Variants in SEC22C observed in about 807,000 individuals in gnomAD.
The protein encoded by SEC22C is SEC22 homolog C, vesicle trafficking protein.
SEC22C carries 29 observed loss-of-function variants against 34.7 expected under a neutral mutation model. That is an observed-to-expected ratio of 0.84 (90% CI 0.62 to 1.14). The LOEUF is 1.14. SEC22C is among the 50% of genes most tolerant of loss of function. SEC22C has a pLI of 0.00. For missense variants in SEC22C, 337 were observed against 369.0 expected (o/e 0.91, Z 0.71); for synonymous variants, 117 against 132.8 (o/e 0.88, Z 0.82).
chr3:42,586,585 T>TA (rs35415799), upstream of SEC22C, among the ~76,000 whole-genome samples: 54,801 of 139,624 alleles, frequency 0.39, 11,395 homozygotes, highest in East Asian at 0.58. Context: ...AGTCACTGTT[T>TA]AAAAAAAAAA....
rs1236180587 is a variant in SEC22C, at chr3:42,551,426, CA to C, written c.*1821del. 2.5e-6 allele frequency: 2 copies of C among 807,536 alleles called. No homozygotes were observed. Among genetic ancestry groups the C allele is most frequent in the Non-Finnish European group, 3.0e-6 (2 of 667,926 alleles). 50.0% of individuals were successfully genotyped at this position (807,536 alleles called of 1,614,324 possible). Reference sequence around the variant, plus strand: ...GTGTGATTATAGCTCATGGAAGCCTCAAACTCCTGGACTCAAGGGATCCTCC... The same window carrying C: ...GTGTGATTATAGCTCATGGAAGCCTCAACTCCTGGACTCAAGGGATCCTCC... On this transcript the variant is annotated 3_prime_UTR_variant, in exon 7 of 7. Transcript: ENST00000264454.
At chr3:42,589,243 T>C (rs1397250568) in intron 1 of SEC22C, among the ~76,000 whole-genome samples, 1 of 151,606 alleles carries the variant, frequency 6.6e-6, no homozygotes, top group South Asian at 2.1e-4. Context: ...CACTCCAGCC[T>C]GGGTGACAGA....
At position 42,578,539 on chromosome 3, in the gene SEC22C, TACACACACACACACAC is replaced by T. The variant is rs66708395; in HGVS notation, c.-28+3291_-28+3306del. On this transcript the variant is annotated intron_variant, in intron 1 of 6. Transcript: ENST00000264454. ...TCTACACACGATAAAGTGACAGTAC[TACACACACACACACAC>T]ACACACACACACACACTTTATACCA... is the stretch of plus-strand genomic sequence containing the variant. Among the ~76,000 whole-genome samples, 3 of 146,782 alleles carry T rather than the reference TACACACACACACACAC, an allele frequency of 2.0e-5. No individual in the cohort carries two copies. The East Asian group carries it at 6.0e-4, about 30-fold the overall frequency.
chr3:42,589,315 G>A (rs745964367), intron 1 of SEC22C, among the ~76,000 whole-genome samples: 1 of 152,134 alleles, frequency 6.6e-6, no homozygotes. Context: ...CTTTTCACAG[G>A]TTTGAATAAA....
At chr3:42,586,377 C>A (rs963801956), upstream of SEC22C, among the ~76,000 whole-genome samples, 1 of 152,096 alleles carries the variant, frequency 6.6e-6, no homozygotes, top group African/African-American at 2.4e-5. Context: ...CCTGTGCCAC[C>A]ATGCCTGGCT....
intron 1 of SEC22C, among the ~76,000 whole-genome samples, chr3:42,570,638 G>A (rs1000079707): frequency 1.3e-5 from 2 of 152,124 alleles, no homozygotes; most frequent in Non-Finnish European, 2.9e-5. Context: ...TAAGTTTGCA[G>A]CACCAACGGC....
chr3:42,564,882 C>T (rs1703140290), intron 2 of SEC22C, among the ~76,000 whole-genome samples: 1 of 152,166 alleles, frequency 6.6e-6, no homozygotes, highest in Non-Finnish European at 1.5e-5. Flanking sequence ...CTCAGCCTCC[C>T]GAGTAGCTGG....
At chr3:42,554,799 G>C (rs1198654965) in intron 6 of SEC22C, among the ~76,000 whole-genome samples, 2 of 152,204 alleles carry the variant, frequency 1.3e-5, no homozygotes, top group South Asian at 2.1e-4. Context: ...AGGAGAATTA[G>C]AGCCACGCTT....
chr3:42,550,437 T>C lies in SEC22C; in HGVS notation c.*2811A>G. On this transcript the variant is annotated 3_prime_UTR_variant, in exon 7 of 7. Transcript: ENST00000264454. Reference sequence around the variant, plus strand: ...TATAAACCTCCAACCCTGAACCAAGTCAAACCTAAGCCTGGGGATTTCCCT... The same window carrying C: ...TATAAACCTCCAACCCTGAACCAAGCCAAACCTAAGCCTGGGGATTTCCCT... 2 of 985,380 alleles carry C rather than the reference T, an allele frequency of 2.0e-6. No homozygotes were observed. The highest frequency in any genetic ancestry group is 2.4e-6 in the Non-Finnish European group (2 of 829,922). 61.0% of individuals were successfully genotyped at this position (985,380 alleles called of 1,614,324 possible).
At chr3:42,555,237 C>T (rs749987754) in intron 6 of SEC22C, among the ~76,000 whole-genome samples, 4 of 151,778 alleles carry the variant, frequency 2.6e-5, no homozygotes, top group Non-Finnish European at 4.4e-5. Flanking sequence ...GTCCCAGCTA[C>T]TTAGGAGGCT....
intron 5 of SEC22C, among the ~76,000 whole-genome samples, chr3:42,556,718 TTTTG>T (rs1389239624): frequency 1.3e-5 from 2 of 152,160 alleles, no homozygotes; most frequent in African/African-American, 4.8e-5. Flanking sequence ...ACCTCCTCTT[TTTTG>T]TTTTTGTTTT....
intron 2 of SEC22C, among the ~76,000 whole-genome samples, chr3:42,568,411 C>A (rs1463078841): frequency 6.6e-6 from 1 of 151,910 alleles, no homozygotes. Flanking sequence ...TCTGACAGGT[C>A]GAGGCAGGTG....
chr3:42,600,708 TG>T (rs755992337), intron 1 of SEC22C: 15 of 253,180 alleles, frequency 5.9e-5, no homozygotes, highest in African/African-American at 3.2e-4. Context: ...TTAGCGGCGT[TG>T]GGGTTTGGCT....
At position 42,548,712 on chromosome 3, in the gene SEC22C, G is replaced by A. The variant is rs1577276487; in HGVS notation, c.*4536C>T. 6.2e-7 allele frequency: 1 copy of A among 1,612,912 alleles called. No homozygotes were observed. Among genetic ancestry groups the A allele is most frequent in the East Asian group, 2.2e-5 (1 of 44,852 alleles). On this transcript the variant is annotated 3_prime_UTR_variant, in exon 7 of 7. Coordinates refer to ENST00000264454, the MANE Select transcript of SEC22C (RefSeq NM_032970.4). The stretch of plus-strand genomic sequence containing the variant: ...TGCGCTCTGTGCCCAGGGAGTGAAA[G>A]GCAGGTCCAGGGTGGGAAGAAGAGG...
rs1702309426 is a variant in SEC22C at position 42,552,734 on chromosome 3, T to C, written c.*514A>G. 1 of 981,308 alleles carries C rather than the reference T, an allele frequency of 1.0e-6. No homozygotes were observed. Among genetic ancestry groups the C allele is most frequent in the East Asian group, 1.1e-4 (1 of 8,800 alleles). The allele number at this position is 981,308 out of a possible 1,614,324, so 60.8% of individuals were successfully genotyped here. On this transcript the variant is annotated 3_prime_UTR_variant, in exon 7 of 7. Coordinates refer to ENST00000264454, the MANE Select transcript of SEC22C (RefSeq NM_032970.4). ...TCGAACCTAAGATATTGAAAAAATGTAAACAAAATTTATCTAGCTTACATT... is the reference window on the plus strand; with the variant it reads ...TCGAACCTAAGATATTGAAAAAATGCAAACAAAATTTATCTAGCTTACATT...
At chr3:42,556,344 T>C (rs1482781963) in intron 5 of SEC22C, among the ~76,000 whole-genome samples, 1 of 152,258 alleles carries the variant, frequency 6.6e-6, no homozygotes, top group East Asian at 1.9e-4. Flanking sequence ...ATTGCCACCA[T>C]ACACTGTTTT....
At chr3:42,586,330 C>T (rs1353173427), upstream of SEC22C, among the ~76,000 whole-genome samples, 3 of 152,186 alleles carry the variant, frequency 2.0e-5, no homozygotes, top group Non-Finnish European at 4.4e-5. Flanking sequence ...TCAAGTGATC[C>T]TCCAGCCTCA....
chr3:42,565,750 G>A (rs1703196894), intron 2 of SEC22C: 1 of 374,274 alleles, frequency 2.7e-6, no homozygotes, highest in Non-Finnish European at 5.2e-6. Flanking sequence ...CTTAAAGTTT[G>A]TAGAGGGAAC....
At chr3:42,554,194 G>A (rs1206150812) in intron 6 of SEC22C, among the ~76,000 whole-genome samples, 3 of 152,100 alleles carry the variant, frequency 2.0e-5, no homozygotes, top group South Asian at 4.1e-4. Context: ...GAACACAGTT[G>A]AAGGAATGAG....
Sources: allele counts gnomAD v4.1 joint callset (sites outside exome capture counted in the v4.1 genomes callset), GRCh38; gene constraint gnomAD v4.1.1; transcripts MANE v1.5; gene names NCBI Gene and HGNC (gene_info 2026-07-23, HGNC 2026-07-21).